The following LHPP variants were observed in gnomAD, a reference collection of about 807,000 sequenced individuals.
The protein encoded by LHPP is hLHPP.
Under a neutral mutation model 30.3 loss-of-function variants are expected in LHPP, and 24 were observed. The observed-to-expected ratio is 0.79, with a 90% CI of 0.57 to 1.11. The LOEUF (loss-of-function observed/expected upper bound fraction) is 1.11. Ranked by LOEUF, LHPP falls within the 50% of genes most tolerant of loss-of-function variation. The probability of loss-of-function intolerance (pLI) is 0.00; values close to 1 mark genes in which losing one functional copy is unlikely to be tolerated. For missense variants in LHPP, 356 were observed against 367.2 expected (o/e 0.97, Z 0.25); for synonymous variants, 150 against 157.1 (o/e 0.95, Z 0.34).
At chr10:124,526,062 C>T (rs370640723) in intron 6 of LHPP, 60 of 494,074 alleles carry the variant, frequency 1.2e-4, no homozygotes, top group African/African-American at 9.6e-4. Context: ...CTCTTGGGAA[C>T]GTGCAGGTCC....
intron 6 of LHPP, among the ~76,000 whole-genome samples, chr10:124,561,820 G>A (rs1948399777): frequency 2.0e-5 from 3 of 152,120 alleles, no homozygotes; most frequent in Non-Finnish European, 2.9e-5. Context: ...CCAGCTTGTG[G>A]TACAAAACCA....
At chr10:124,587,655 G>A (rs1161811452) in intron 6 of LHPP, among the ~76,000 whole-genome samples, 1 of 145,082 alleles carries the variant, frequency 6.9e-6, no homozygotes, top group Non-Finnish European at 1.5e-5. Context: ...CAGGAGAATC[G>A]CTGGAACCTA....
At chr10:124,511,341 C>T (rs948968920) in intron 5 of LHPP, among the ~76,000 whole-genome samples, 4 of 152,214 alleles carry the variant, frequency 2.6e-5, no homozygotes, top group African/African-American at 9.6e-5. Context: ...TGTCCTTGCT[C>T]TGCCTGGAGT....
intron 6 of LHPP, among the ~76,000 whole-genome samples, chr10:124,525,784 G>A (rs4962643): frequency 0.93 from 140,842 of 152,228 alleles, 66,150 homozygotes; most frequent in East Asian, 1. Flanking sequence ...ACCCTCTCTG[G>A]TACTGACCCT....
intron 6 of LHPP, among the ~76,000 whole-genome samples, chr10:124,604,030 C>T (rs1354389299): frequency 1.3e-5 from 2 of 152,210 alleles, no homozygotes; most frequent in Non-Finnish European, 2.9e-5. Context: ...CCTCTTGACC[C>T]CCAGGTCCTG....
At chr10:124,579,163 G>A (rs1485094424) in intron 6 of LHPP, among the ~76,000 whole-genome samples, 2 of 152,220 alleles carry the variant, frequency 1.3e-5, no homozygotes, top group Non-Finnish European at 2.9e-5. Flanking sequence ...GGAGCTTACG[G>A]ACAGCCCCTC....
chr10:124,506,683 AAGATTTCAGGTTGGCGGGTAGG>A (rs1954084381), intron 5 of LHPP, among the ~76,000 whole-genome samples: 1 of 91,052 alleles, frequency 1.1e-5, no homozygotes, highest in Non-Finnish European at 2.2e-5. Flanking sequence ...GGGGGTAGGG[AAGATTTCAGGTTGGCGGGTAGG>A]GAAGATTTCA....
At chr10:124,542,285 C>G (rs997531624) in intron 6 of LHPP, among the ~76,000 whole-genome samples, 2 of 152,212 alleles carry the variant, frequency 1.3e-5, no homozygotes, top group African/African-American at 4.8e-5. Context: ...AGCGCCTTCA[C>G]TTATTTACTG....
intron 5 of LHPP, among the ~76,000 whole-genome samples, chr10:124,516,586 T>G (rs1954460097): frequency 6.6e-6 from 1 of 152,172 alleles, no homozygotes; most frequent in Non-Finnish European, 1.5e-5. Context: ...TGAAAGCTGT[T>G]GGTTCATAAT....
chr10:124,469,732 G>A (rs756352150), intron 1 of LHPP, among the ~76,000 whole-genome samples: 2 of 151,990 alleles, frequency 1.3e-5, no homozygotes, highest in Non-Finnish European at 2.9e-5. Flanking sequence ...ACCATCCTAG[G>A]CCCTGGGGAT....
intron 6 of LHPP, among the ~76,000 whole-genome samples, chr10:124,597,303 T>C (rs1392396836): frequency 6.6e-6 from 1 of 152,156 alleles, no homozygotes; most frequent in Non-Finnish European, 1.5e-5. Flanking sequence ...CCTATGAGTC[T>C]TTTCCCTCTG....
At chr10:124,492,047 C>T (rs1462500835) in intron 3 of LHPP, among the ~76,000 whole-genome samples, 1 of 152,228 alleles carries the variant, frequency 6.6e-6, no homozygotes, top group African/African-American at 2.4e-5. Flanking sequence ...AATACGGAGC[C>T]TCACATTCCT....
At chr10:124,466,353 T>G (rs979914030) in intron 1 of LHPP, among the ~76,000 whole-genome samples, 2 of 152,218 alleles carry the variant, frequency 1.3e-5, no homozygotes, top group African/African-American at 4.8e-5. Flanking sequence ...CGCAGGCTGC[T>G]TCAGAGTCTG....
At chr10:124,466,985 A>G (rs1305556493) in intron 1 of LHPP, among the ~76,000 whole-genome samples, 1 of 151,604 alleles carries the variant, frequency 6.6e-6, no homozygotes, top group African/African-American at 2.4e-5. Context: ...TTAGCCGGGC[A>G]TGGTGGTGCA....
chr10:124,485,955 A>G (rs1953312284), intron 2 of LHPP, among the ~76,000 whole-genome samples: 1 of 151,600 alleles, frequency 6.6e-6, no homozygotes, highest in Non-Finnish European at 1.5e-5. Context: ...ATTTTTTGAT[A>G]TTTTCTTCAC....
chr10:124,506,509 A>G (rs1012122131), intron 5 of LHPP, among the ~76,000 whole-genome samples: 1 of 151,544 alleles, frequency 6.6e-6, no homozygotes, highest in Non-Finnish European at 1.5e-5. Flanking sequence ...GAACTCTAGT[A>G]CTGAACCCAA....
intron 6 of LHPP, among the ~76,000 whole-genome samples, chr10:124,529,813 G>GCACACACACACACACACACACGCA (rs3083540): frequency 1.4e-5 from 2 of 147,086 alleles, no homozygotes; most frequent in Non-Finnish European, 3.0e-5. Flanking sequence ...ACACACACAC[G>GCACACACACACACACACACACGCA]CACACACACA....
chr10:124,581,178 T>TGTCC (rs34702710), intron 6 of LHPP, among the ~76,000 whole-genome samples: 1 of 151,004 alleles, frequency 6.6e-6, no homozygotes, highest in East Asian at 2.0e-4. Flanking sequence ...CTTTTCTGTC[T>TGTCC]TCTTTTACTC....
chr10:124,608,639 G>A (rs11245314), intron 6 of LHPP, among the ~76,000 whole-genome samples: 67,417 of 152,116 alleles, frequency 0.44, 16,722 homozygotes, highest in Non-Finnish European at 0.55. Context: ...CCAGGGGGCT[G>A]ATTTACTGAG....
Sources: allele counts gnomAD v4.1 joint callset (sites outside exome capture counted in the v4.1 genomes callset), GRCh38; gene constraint gnomAD v4.1.1; transcripts MANE v1.5; gene names NCBI Gene and HGNC (gene_info 2026-07-23, HGNC 2026-07-21).